PRPSAP2: variants seen among roughly 807,000 people sequenced by gnomAD.
PRPSAP2 encodes phosphoribosyl pyrophosphate synthase-associated protein 2.
A neutral mutation model predicts 40.6 loss-of-function variants in PRPSAP2; 24 were observed. The ratio of observed to expected loss-of-function variants is 0.59; its 90% confidence interval spans 0.43 to 0.83. The LOEUF (loss-of-function observed/expected upper bound fraction) is 0.83. Ranked by LOEUF, PRPSAP2 falls within the 40% of genes least tolerant of loss-of-function variation. PRPSAP2 has a pLI of 0.00. For synonymous variants in PRPSAP2, 149 were observed against 164.7 expected, an observed-to-expected ratio of 0.90 and a Z score of 0.73; for missense variants, 292 against 465.6, an observed-to-expected ratio of 0.63 and a Z score of 3.43.
rs2037364433 is a variant in PRPSAP2 at position 18,865,544 on chromosome 17, C to G, written c.-53C>G. 1 of 164,526 alleles carries G rather than the reference C, an allele frequency of 6.1e-6. No homozygotes were observed. Among genetic ancestry groups the G allele is most frequent in the Non-Finnish European group, 1.3e-5 (1 of 76,376 alleles). The allele number at this position is 164,526 out of a possible 1,614,324, so 10.2% of individuals were successfully genotyped here. On this transcript the variant is annotated 5_prime_UTR_variant, in exon 2 of 12. Coordinates refer to ENST00000268835, the MANE Select transcript of PRPSAP2 (RefSeq NM_002767.4). Reference sequence around the variant, plus strand: ...AAGCAGCAATCAGTAAAACATTGAGCTCTTCAGCTCCGCCTTTCTTGTAAG... The same window carrying G: ...AAGCAGCAATCAGTAAAACATTGAGGTCTTCAGCTCCGCCTTTCTTGTAAG...
chr17:18,923,422 A>C (rs969816799), intron 9 of PRPSAP2, among the ~76,000 whole-genome samples: 1 of 151,882 alleles, frequency 6.6e-6, no homozygotes, highest in African/African-American at 2.4e-5. Context: ...TGCTTTCTCA[A>C]TTCCCTCTTT....
chr17:18,883,809 G>A lies in PRPSAP2; in HGVS notation c.528+1126G>A, dbSNP rs560744798. Among the ~76,000 whole-genome samples the A allele has an allele frequency of 2.6e-5, 4 of 152,242 alleles. No homozygotes were observed. The South Asian group carries it at 8.3e-4, about 32-fold the overall frequency. On this transcript the variant is annotated intron_variant, in intron 7 of 11. Coordinates refer to ENST00000268835, the MANE Select transcript of PRPSAP2 (RefSeq NM_002767.4). Reference sequence around the variant, plus strand: ...ACAGTACTGTATTTAAAAGATGGCAGTTTATAGGTTTCTGAGGAACTTCTT... The same window carrying A: ...ACAGTACTGTATTTAAAAGATGGCAATTTATAGGTTTCTGAGGAACTTCTT...
chr17:18,890,040 AAGTAAAC>A (rs2039441544), intron 8 of PRPSAP2, among the ~76,000 whole-genome samples, 163 bp downstream of exon 8: 1 of 152,084 alleles, frequency 6.6e-6, no homozygotes, highest in African/African-American at 2.4e-5. Context: ...TCCATTTATT[AAGTAAAC>A]ATTTTAATTT....
At chr17:18,865,007 C>G (rs2037327794) in intron 1 of PRPSAP2, 1 of 152,258 alleles carries the variant, frequency 6.6e-6, no homozygotes, top group Non-Finnish European at 1.5e-5. Flanking sequence ...CCACCATGCC[C>G]AGCTATTTTT....
chr17:18,887,308 T>C (rs2039237780), intron 7 of PRPSAP2, among the ~76,000 whole-genome samples: 1 of 151,964 alleles, frequency 6.6e-6, no homozygotes, highest in South Asian at 2.1e-4. Flanking sequence ...ACATTTTAAA[T>C]GGGTTCAAAC....
chr17:18,886,929 C>CTTTT lies in PRPSAP2; in HGVS notation c.529-2872_529-2869dup, dbSNP rs71155365. On this transcript the variant is annotated intron_variant, in intron 7 of 11. Transcript: ENST00000268835. ...CATACATGATAATTTTTCTTTTCTT[C>CTTTT]TTTTTTTTTTTTTTTTTTTTTTTTG... Among the ~76,000 whole-genome samples, 218 of 75,362 alleles carry CTTTT rather than the reference C, an allele frequency of 2.9e-3. 1 individual carries two copies. Among genetic ancestry groups the CTTTT allele is most frequent in the African/African-American group, 3.6e-3 (66 of 18,512 alleles). The allele number at this position is 75,362 out of a possible 152,430, so 49.4% of individuals were successfully genotyped here.
chr17:18,886,610 A>T (rs941437083), intron 7 of PRPSAP2, among the ~76,000 whole-genome samples: 2 of 151,960 alleles, frequency 1.3e-5, no homozygotes, highest in Non-Finnish European at 1.5e-5. Context: ...TGCCCGCCTC[A>T]GCCTCCCAAA....
Position 18,889,895 on chromosome 17 carries a change from A to T in PRPSAP2, c.584+18A>T. The T allele has an allele frequency of 1.2e-6, 2 of 1,605,328 alleles. No homozygotes were observed. Among genetic ancestry groups the T allele is most frequent in the Non-Finnish European group, 1.7e-6 (2 of 1,173,644 alleles). On this transcript the variant is annotated intron_variant, in intron 8 of 11. Coordinates refer to ENST00000268835, the MANE Select transcript of PRPSAP2 (RefSeq NM_002767.4). ...GCGAAGAGGTAGGTGGGAATCTCACAACCTCTTTCTGGATCTACTTCTAAG... is the reference window on the plus strand; with the variant it reads ...GCGAAGAGGTAGGTGGGAATCTCACTACCTCTTTCTGGATCTACTTCTAAG...
chr17:18,923,271 T>TG (rs2041797307), intron 9 of PRPSAP2, among the ~76,000 whole-genome samples: 1 of 145,856 alleles, frequency 6.9e-6, no homozygotes, highest in Admixed American at 6.8e-5. Flanking sequence ...TTTTTTTTTT[T>TG]TTTTTTTTGT....
chr17:18,924,055 A>T (rs554964278), intron 10 of PRPSAP2, 71 bp downstream of exon 10: 3 of 1,366,912 alleles, frequency 2.2e-6, no homozygotes, highest in African/African-American at 2.9e-5. Flanking sequence ...TGATTGATTG[A>T]TTTTATTACA....
chr17:18,879,468 T>A (rs945002495), intron 6 of PRPSAP2, among the ~76,000 whole-genome samples: 1 of 108,362 alleles, frequency 9.2e-6, no homozygotes, highest in Non-Finnish European at 2.1e-5. Flanking sequence ...TTATTTTTAT[T>A]TTTTATTTTT....
chr17:18,899,404 G>C (rs940725644), intron 8 of PRPSAP2, among the ~76,000 whole-genome samples: 2 of 151,168 alleles, frequency 1.3e-5, no homozygotes, highest in African/African-American at 4.9e-5. Flanking sequence ...TGTTCTCTCT[G>C]TTGTCCAAAT....
chr17:18,900,586 G>A (rs2040203449), intron 8 of PRPSAP2, among the ~76,000 whole-genome samples: 1 of 152,108 alleles, frequency 6.6e-6, no homozygotes, highest in Admixed American at 6.6e-5. Flanking sequence ...GATATTGTGT[G>A]TGAGACTCTG....
At chr17:18,895,702 T>C (rs2039873707) in intron 8 of PRPSAP2, among the ~76,000 whole-genome samples, 1 of 152,154 alleles carries the variant, frequency 6.6e-6, no homozygotes, top group Non-Finnish European at 1.5e-5. Flanking sequence ...CTCAGCTCAC[T>C]GTGACCTCTG....
At chr17:18,905,824 C>A (rs2151946111) in intron 8 of PRPSAP2, among the ~76,000 whole-genome samples, 1 of 152,320 alleles carries the variant, frequency 6.6e-6, no homozygotes, top group African/African-American at 2.4e-5. Flanking sequence ...CTCAGGTGAT[C>A]TGCCCGCCTC....
chr17:18,906,820 T>G (rs969051355), intron 8 of PRPSAP2, among the ~76,000 whole-genome samples: 1 of 152,194 alleles, frequency 6.6e-6, no homozygotes, highest in Non-Finnish European at 1.5e-5. Flanking sequence ...GTGCTGGGAT[T>G]ACAGGCGTGA....
At position 18,872,661 on chromosome 17, in the gene PRPSAP2, G is replaced by A. The variant is rs751025911; in HGVS notation, c.239+12G>A. 5.7e-6 allele frequency: 9 copies of A among 1,572,464 alleles called. No homozygotes were observed. The Admixed American group carries it at 1.5e-4, about 26-fold the overall frequency. On this transcript the variant is annotated intron_variant, in intron 5 of 11. Transcript: ENST00000268835. ...CAAACTGTTTCGAAGTGAGTATCCA[G>A]CAAAAGTGTTGCTTTCTGGGTTTCA... is the stretch of plus-strand genomic sequence containing the variant.
At chr17:18,870,113 A>G (rs1257055804) in intron 4 of PRPSAP2, among the ~76,000 whole-genome samples, 1 of 151,928 alleles carries the variant, frequency 6.6e-6, no homozygotes, top group African/African-American at 2.4e-5. Context: ...CTCCCAAACT[A>G]TTTTCCTACA....
intron 1 of PRPSAP2, chr17:18,859,276 G>C (rs574923113): frequency 6.6e-6 from 1 of 152,138 alleles, no homozygotes; most frequent in Non-Finnish European, 1.5e-5. Flanking sequence ...TCCAAACAAG[G>C]CATGTTTACA....
Sources: allele counts gnomAD v4.1 joint callset (sites outside exome capture counted in the v4.1 genomes callset), GRCh38; gene constraint gnomAD v4.1.1; transcripts MANE v1.5; gene names NCBI Gene and HGNC (gene_info 2026-07-23, HGNC 2026-07-21).